The following TNR variants were observed in gnomAD, a reference collection of about 807,000 sequenced individuals.
TNR encodes tenascin R.
Under a neutral mutation model 150.4 loss-of-function variants are expected in TNR, and 45 were observed. That is an observed-to-expected ratio of 0.30 (90% CI 0.24 to 0.38). TNR has a LOEUF of 0.38. Ranked by LOEUF, TNR falls within the 10% of genes least tolerant of loss-of-function variation. The pLI is 1.00. For missense variants in TNR, 1,544 were observed against 1,759.1 expected (o/e 0.88, Z 2.19); for synonymous variants, 687 against 678.4 (o/e 1.01, Z -0.20).
At chr1:175,615,580 G>A (rs1046186733) in intron 1 of TNR, among the ~76,000 whole-genome samples, 3 of 152,152 alleles carry the variant, frequency 2.0e-5, no homozygotes, top group African/African-American at 4.8e-5. Flanking sequence ...GTCTCCTTAC[G>A]GTGTAAACTC....
intron 2 of TNR, among the ~76,000 whole-genome samples, chr1:175,472,136 T>C (rs887238799): frequency 2.0e-5 from 3 of 152,084 alleles, no homozygotes; most frequent in African/African-American, 4.8e-5. Flanking sequence ...AGACCCTGTC[T>C]CTACAAAACA....
chr1:175,426,889 AATATATATAAAATATATT>A (rs1309386945), intron 2 of TNR, among the ~76,000 whole-genome samples: 1,292 of 53,932 alleles, frequency 0.024, 78 homozygotes, highest in African/African-American at 0.12. Context: ...ATAAAATATA[AATATATATAAAATATATT>A]ATATATATAA....
At chr1:175,389,694 G>A (rs1653088668) in intron 7 of TNR, among the ~76,000 whole-genome samples, 1 of 152,206 alleles carries the variant, frequency 6.6e-6, no homozygotes, top group Non-Finnish European at 1.5e-5. Context: ...TTGTTAACCT[G>A]TCTTTTGTGA....
Position 175,446,736 on chromosome 1 carries a change from C to T in TNR, c.-63-39959G>A, listed in dbSNP as rs925226481. Among the ~76,000 whole-genome samples the T allele has an allele frequency of 7.2e-5, 11 of 152,140 alleles. No homozygotes were observed. In the East Asian group the frequency reaches 9.7e-4, roughly 13 times the overall value. Reference sequence around the variant, plus strand: ...CGTTCTTGGTGCTCATTGCAAGGGACCTGTAAGTCATGGTCAGCTGGAAAA... The same window carrying T: ...CGTTCTTGGTGCTCATTGCAAGGGATCTGTAAGTCATGGTCAGCTGGAAAA... On this transcript the variant is annotated intron_variant, in intron 2 of 22. Transcript: ENST00000367674.
At position 175,355,568 on chromosome 1, in the gene TNR, G is replaced by C. The variant is rs1651286237; in HGVS notation, c.3184C>G (p.Gln1062Glu). The change falls in exon 17 of 23, where the codon CAG becomes GAG. Residue 1062 changes from glutamine (Q) to glutamate (E), a missense_variant. This residue lies in a region of TNR where 290 missense variants were observed against 429.7 expected (regional missense o/e 0.67). Transcript: ENST00000367674. ...VTRQSALISWQPPRAEIENYV... is the reference protein window; with the variant it reads ...VTRQSALISWEPPRAEIENYV... ...TTTTCAATCTCTGCCCTGGGAGGCT[G>C]CCAGGAGATCAGGGCACTTTGTCTG... 6.2e-7 allele frequency: 1 copy of C among 1,613,978 alleles called. No homozygotes were observed.
At chr1:175,488,510 T>G (rs990960326) in intron 2 of TNR, among the ~76,000 whole-genome samples, 1 of 152,136 alleles carries the variant, frequency 6.6e-6, no homozygotes, top group Non-Finnish European at 1.5e-5. Context: ...TCTGCTGGGC[T>G]GGGAAATTGA....
intron 1 of TNR, among the ~76,000 whole-genome samples, chr1:175,596,186 A>G (rs1295419934): frequency 6.6e-6 from 1 of 152,222 alleles, no homozygotes; most frequent in East Asian, 1.9e-4. Flanking sequence ...TGTGAATAAC[A>G]TTTCACATTG....
chr1:175,501,297 T>C (rs531248246), intron 2 of TNR, among the ~76,000 whole-genome samples: 2 of 152,264 alleles, frequency 1.3e-5, no homozygotes, highest in East Asian at 3.9e-4. Flanking sequence ...ATGTTGTAAA[T>C]GGACTATGAA....
In TNR at chr1:175,367,256, C is replaced by A. The variant is rs145227551; in HGVS notation, c.2005G>T (p.Val669Phe). ...GTEYGVGISA[V>F]MNSQQSVPAT... ...GGCACGCTTTGCTGTGAGTTCATGACGGCAGATATTCCAACTCCATACTCA... is the reference window on the plus strand; with the variant it reads ...GGCACGCTTTGCTGTGAGTTCATGAAGGCAGATATTCCAACTCCATACTCA... The change falls in exon 10 of 23, where the codon GTC becomes TTC. Residue 669 changes from valine (V) to phenylalanine (F), a missense_variant. Val to Phe is a conservative substitution (Grantham distance 50). Transcript: ENST00000367674. 1 of 1,614,110 alleles carries A rather than the reference C, an allele frequency of 6.2e-7. No individual in the cohort carries two copies.
At chr1:175,509,940 G>A (rs1010296017) in intron 2 of TNR, among the ~76,000 whole-genome samples, 1 of 152,084 alleles carries the variant, frequency 6.6e-6, no homozygotes, top group East Asian at 1.9e-4. Flanking sequence ...ATGTATTTAA[G>A]GTCCAGGCAT....
intron 18 of TNR, among the ~76,000 whole-genome samples, chr1:175,343,915 G>A (rs1430465762): frequency 1.3e-5 from 2 of 152,156 alleles, no homozygotes; most frequent in East Asian, 3.9e-4. Context: ...GGCAGGCCTC[G>A]AGTACAAGAT....
intron 1 of TNR, among the ~76,000 whole-genome samples, chr1:175,724,532 G>A (rs981687284): frequency 6.6e-6 from 1 of 152,114 alleles, no homozygotes; most frequent in East Asian, 1.9e-4. Flanking sequence ...CATGAGATTT[G>A]GTGGGTACAC....
Position 175,366,048 on chromosome 1 carries a change from T to C in TNR, c.2144A>G (p.His715Arg). 6.2e-7 allele frequency: 1 copy of C among 1,614,110 alleles called. No individual in the cohort carries two copies. ...GGATGGGGTAAAGGTAATTCGGTAG[T>C]GGTCAATGGGGCCACTGGCCTTGGT... ...IWTKASGPID[H>R]YRITFTPSSG... Residue 715 changes from histidine (H) to arginine (R), a missense_variant, in exon 11 of 23, where the codon CAC becomes CGC. Physicochemically the swap from His to Arg is conservative, Grantham distance 29 (BLOSUM62 0). Transcript: ENST00000367674.
chr1:175,636,205 C>G (rs190380716), intron 1 of TNR, among the ~76,000 whole-genome samples: 9 of 152,334 alleles, frequency 5.9e-5, no homozygotes, highest in Admixed American at 2.6e-4. Context: ...TGACATCCAG[C>G]TGTCCAATAT....
intron 21 of TNR, among the ~76,000 whole-genome samples, chr1:175,327,349 A>T (rs1649460577): frequency 6.6e-6 from 1 of 152,056 alleles, no homozygotes. Flanking sequence ...CACTGTTCAG[A>T]TTTATAATAC....
At chr1:175,501,615 C>T (rs1658740473) in intron 2 of TNR, among the ~76,000 whole-genome samples, 1 of 152,224 alleles carries the variant, frequency 6.6e-6, no homozygotes, top group African/African-American at 2.4e-5. Flanking sequence ...GATAATTTGT[C>T]ACACAGCAGT....
intron 1 of TNR, among the ~76,000 whole-genome samples, chr1:175,535,521 C>T (rs924675480): frequency 4.6e-5 from 7 of 151,824 alleles, no homozygotes; most frequent in African/African-American, 1.2e-4. Context: ...AGTGCAGTGG[C>T]GCGATCTCGG....
At chr1:175,498,163 C>T (rs1238339937) in intron 2 of TNR, among the ~76,000 whole-genome samples, 2 of 152,166 alleles carry the variant, frequency 1.3e-5, no homozygotes, top group Non-Finnish European at 2.9e-5. Flanking sequence ...TTGTAAAATT[C>T]CTGGTAGCAG....
rs1430643860 is a variant in TNR, at chr1:175,730,142, C to A, written c.-165+13084G>T. On this transcript the variant is annotated intron_variant, in intron 1 of 22. Coordinates refer to ENST00000367674, the MANE Select transcript of TNR (RefSeq NM_003285.3). ...CTACCGCCTGCATGAAGGCCCAATGCTTCTCTGTTCCAGCCACATCACGTT... is the reference window on the plus strand; with the variant it reads ...CTACCGCCTGCATGAAGGCCCAATGATTCTCTGTTCCAGCCACATCACGTT... Among the ~76,000 whole-genome samples the A allele has an allele frequency of 2.0e-5, 3 of 152,286 alleles. No individual in the cohort carries two copies. In the East Asian group the frequency reaches 5.8e-4, roughly 29 times the overall value.
Sources: gnomAD v4.1 joint callset for allele counts (sites outside exome capture counted in the v4.1 genomes callset) on GRCh38, gnomAD v4.1.1 for gene constraint, gnomAD v4.1.1 regional missense constraint, MANE v1.5 for transcripts, NCBI Gene and HGNC (gene_info 2026-07-23, HGNC 2026-07-21) for gene names.